The following PDLIM5 variants were observed in gnomAD, a reference collection of about 807,000 sequenced individuals.
PDLIM5 encodes the protein PDZ and LIM domain 5, also known as PDZ and LIM domain protein 5.
A neutral mutation model predicts 64.2 loss-of-function variants in PDLIM5; 34 were observed. That is an observed-to-expected ratio of 0.53 (90% CI 0.40 to 0.71). The LOEUF (loss-of-function observed/expected upper bound fraction) is 0.71. Among genes scored for constraint, PDLIM5 ranks in the 30% least tolerant of loss-of-function variants. The pLI is 0.00. For synonymous variants in PDLIM5, 253 were observed against 269.1 expected, an observed-to-expected ratio of 0.94 and a Z score of 0.59; for missense variants, 683 against 733.6, an observed-to-expected ratio of 0.93 and a Z score of 0.80.
At position 94,553,339 on chromosome 4, in the gene PDLIM5, C is replaced by T. The variant is rs923578832; in HGVS notation, c.249-20012C>T. On this transcript the variant is annotated intron_variant, in intron 3 of 12. Coordinates refer to ENST00000317968, the MANE Select transcript of PDLIM5 (RefSeq NM_006457.5). The stretch of plus-strand genomic sequence containing the variant: ...GGTCAGGCTGGTCTCGAACTCCTGA[C>T]CTCAAGTGATCTGCCTGCTTTGGTC... Among the ~76,000 whole-genome samples the T allele has an allele frequency of 4.6e-5, 7 of 152,078 alleles. No individual in the cohort carries two copies. In the South Asian group the frequency reaches 6.2e-4, roughly 14 times the overall value.
chr4:94,541,505 A>T (rs1731801501), intron 3 of PDLIM5, among the ~76,000 whole-genome samples: 1 of 152,234 alleles, frequency 6.6e-6, no homozygotes, highest in African/African-American at 2.4e-5. Context: ...ATAAAATTAC[A>T]CTGAAGTCCT....
chr4:94,628,162 A>T (rs563902668), intron 8 of PDLIM5, among the ~76,000 whole-genome samples: 1 of 152,328 alleles, frequency 6.6e-6, no homozygotes, highest in African/African-American at 2.4e-5. Context: ...GCTGTTTTAC[A>T]GATGAGGTAA....
intron 9 of PDLIM5, among the ~76,000 whole-genome samples, chr4:94,642,985 T>C (rs1035161705): frequency 6.6e-6 from 1 of 152,216 alleles, no homozygotes; most frequent in Non-Finnish European, 1.5e-5. Flanking sequence ...TATTTACTTT[T>C]CAATATTTCG....
chr4:94,508,359 G>T (rs552955144), intron 2 of PDLIM5, among the ~76,000 whole-genome samples: 55 of 152,234 alleles, frequency 3.6e-4, no homozygotes, highest in African/African-American at 1.2e-3. Flanking sequence ...AAAGGTACAG[G>T]AAACTTATTA....
At chr4:94,483,650 T>A (rs1726066432) in intron 2 of PDLIM5, among the ~76,000 whole-genome samples, 1 of 152,192 alleles carries the variant, frequency 6.6e-6, no homozygotes, top group Non-Finnish European at 1.5e-5. Context: ...TGAGGGATAA[T>A]TTTAATATGG....
chr4:94,522,492 C>G (rs1417648336), intron 2 of PDLIM5, among the ~76,000 whole-genome samples: 1 of 152,136 alleles, frequency 6.6e-6, no homozygotes, highest in Admixed American at 6.5e-5. Context: ...TCTCCTGTCT[C>G]AGCCTCCCGA....
At chr4:94,496,807 A>G (rs1264063536) in intron 2 of PDLIM5, among the ~76,000 whole-genome samples, 1 of 152,186 alleles carries the variant, frequency 6.6e-6, no homozygotes, top group Admixed American at 6.5e-5. Flanking sequence ...TGCACATTTG[A>G]CCTAATGAAC....
At chr4:94,527,100 G>A (rs1176525444) in intron 3 of PDLIM5, among the ~76,000 whole-genome samples, 7 of 115,610 alleles carry the variant, frequency 6.1e-5, no homozygotes, top group African/African-American at 1.6e-4. Context: ...ACTGTCACCC[G>A]GGCTGAAGTG....
chr4:94,567,159 AT>A (rs958918506), intron 3 of PDLIM5, among the ~76,000 whole-genome samples: 28 of 152,000 alleles, frequency 1.8e-4, no homozygotes, highest in Middle Eastern at 3.4e-3. Context: ...CACCTGGCTA[AT>A]TTTTTTGTAT....
intron 2 of PDLIM5, among the ~76,000 whole-genome samples, chr4:94,462,551 C>G (rs1243288561): frequency 1.3e-5 from 2 of 151,800 alleles, no homozygotes; most frequent in African/African-American, 4.8e-5. Flanking sequence ...AAGTTTTGCC[C>G]ATATATGTAT....
chr4:94,627,024 T>G (rs1167388349), intron 8 of PDLIM5, among the ~76,000 whole-genome samples: 1 of 152,198 alleles, frequency 6.6e-6, no homozygotes, highest in Admixed American at 6.5e-5. Flanking sequence ...CTAGCTAAGA[T>G]GGATAGATTT....
chr4:94,456,767 CTT>C (rs1266046367), intron 2 of PDLIM5: 6 of 1,233,966 alleles, frequency 4.9e-6, no homozygotes, highest in Non-Finnish European at 6.1e-6. Flanking sequence ...CCAATTTACA[CTT>C]TTGTGCAACG....
At chr4:94,490,882 A>G (rs1040093471) in intron 2 of PDLIM5, among the ~76,000 whole-genome samples, 3 of 152,140 alleles carry the variant, frequency 2.0e-5, no homozygotes, top group South Asian at 2.1e-4. Flanking sequence ...TTCTTAATAT[A>G]CTTTTCAGTT....
In PDLIM5 at chr4:94,665,806, G is replaced by C; in HGVS notation, c.*1739G>C. 1 of 1,281,372 alleles carries C rather than the reference G, an allele frequency of 7.8e-7. No homozygotes were observed. Among genetic ancestry groups the C allele is most frequent in the Non-Finnish European group, 9.8e-7 (1 of 1,017,254 alleles). 79.4% of individuals were successfully genotyped at this position (1,281,372 alleles called of 1,614,324 possible). The stretch of plus-strand genomic sequence containing the variant: ...AACCAATTTCAAATGTGATCACAAA[G>C]TTTGGAAAGCTTTTATTCACAGAGG... On this transcript the variant is annotated 3_prime_UTR_variant, in exon 13 of 13. Coordinates refer to ENST00000317968, the MANE Select transcript of PDLIM5 (RefSeq NM_006457.5).
intron 2 of PDLIM5, among the ~76,000 whole-genome samples, chr4:94,470,937 C>T (rs753805408): frequency 1.3e-5 from 2 of 151,976 alleles, no homozygotes; most frequent in Non-Finnish European, 2.9e-5. Context: ...ATGGTGGAAG[C>T]GAAGGAGGAG....
chr4:94,539,578 G>GA (rs1731602358), intron 3 of PDLIM5, among the ~76,000 whole-genome samples: 1 of 152,176 alleles, frequency 6.6e-6, no homozygotes, highest in Non-Finnish European at 1.5e-5. Flanking sequence ...TTAATGGAAA[G>GA]AAACAGACAT....
chr4:94,466,132 T>A (rs1469162750), intron 2 of PDLIM5, among the ~76,000 whole-genome samples: 1 of 152,084 alleles, frequency 6.6e-6, no homozygotes, highest in African/African-American at 2.4e-5. Context: ...CATGCCTGGC[T>A]AATTCTTTAA....
intron 3 of PDLIM5, among the ~76,000 whole-genome samples, chr4:94,525,196 A>G (rs890081803): frequency 2.0e-5 from 3 of 152,294 alleles, no homozygotes; most frequent in African/African-American, 4.8e-5. Context: ...AGGTGGGTGG[A>G]TCACCTGAGG....
intron 2 of PDLIM5, among the ~76,000 whole-genome samples, chr4:94,489,668 A>AT (rs1165315013): frequency 1.3e-5 from 2 of 152,220 alleles, no homozygotes; most frequent in Non-Finnish European, 1.5e-5. Flanking sequence ...GCTCACACCT[A>AT]TAATCCCAGC....
Sources: gnomAD v4.1 joint callset for allele counts (sites outside exome capture counted in the v4.1 genomes callset) on GRCh38, gnomAD v4.1.1 for gene constraint, MANE v1.5 for transcripts, NCBI Gene and HGNC (gene_info 2026-07-23, HGNC 2026-07-21) for gene names.